CNBD1: variants seen among roughly 807,000 people sequenced by gnomAD.
CNBD1 encodes the protein cyclic nucleotide-binding domain-containing protein 1.
Under a neutral mutation model 54.4 loss-of-function variants are expected in CNBD1, and 71 were observed. That is an observed-to-expected ratio of 1.30 (90% CI 1.08 to 1.59). CNBD1 has a LOEUF of 1.59. Among genes scored for constraint, CNBD1 ranks in the 40% most tolerant of loss-of-function variants. The pLI, the probability that CNBD1 is intolerant of heterozygous loss-of-function variation, is 0.00. For synonymous variants in CNBD1, 182 were observed against 170.7 expected (o/e 1.07, Z -0.51); for missense variants, 659 against 518.0 (o/e 1.27, Z -2.64).
At chr8:87,345,129 A>C (rs1586032935) in intron 8 of CNBD1, among the ~76,000 whole-genome samples, 1 of 152,330 alleles carries the variant, frequency 6.6e-6, no homozygotes, top group Middle Eastern at 3.4e-3. Context: ...CAGCTAAAAT[A>C]GAATTTTGAT....
chr8:87,230,004 T>A (rs1269016994), intron 5 of CNBD1, among the ~76,000 whole-genome samples: 1 of 152,132 alleles, frequency 6.6e-6, no homozygotes, highest in Non-Finnish European at 1.5e-5. Context: ...ACAGTCTGTA[T>A]AGGAGCCATG....
At chr8:87,081,970 C>T (rs887924606) in intron 4 of CNBD1, among the ~76,000 whole-genome samples, 6 of 152,184 alleles carry the variant, frequency 3.9e-5, no homozygotes, top group South Asian at 4.2e-4. Flanking sequence ...GTTTTTGCTT[C>T]GTGCATTTTA....
intron 4 of CNBD1, among the ~76,000 whole-genome samples, chr8:87,006,555 G>A (rs1041993455): frequency 2.0e-5 from 3 of 152,026 alleles, no homozygotes; most frequent in Non-Finnish European, 4.4e-5. Context: ...AAGGTGAAGT[G>A]GGAGTAGGCA....
intron 4 of CNBD1, among the ~76,000 whole-genome samples, chr8:86,957,988 C>A (rs1807824136): frequency 6.6e-6 from 1 of 152,194 alleles, no homozygotes; most frequent in South Asian, 2.1e-4. Context: ...TTTCCCTCTA[C>A]ACACTGCTTT....
At chr8:87,415,899 T>A (rs1807826486) in intron 2 of CNBD1, among the ~76,000 whole-genome samples, 1 of 151,806 alleles carries the variant, frequency 6.6e-6, no homozygotes, top group Non-Finnish European at 1.5e-5. Context: ...TCAAAACAAA[T>A]TTCAACTATA....
intron 6 of CNBD1, among the ~76,000 whole-genome samples, chr8:87,271,221 T>C (rs545049913): frequency 6.6e-6 from 1 of 151,946 alleles, no homozygotes; most frequent in Non-Finnish European, 1.5e-5. Flanking sequence ...AAAACCACCA[T>C]TTCACTTTGT....
intron 4 of CNBD1, among the ~76,000 whole-genome samples, chr8:86,954,775 G>A (rs947140497): frequency 7.2e-5 from 11 of 152,180 alleles, no homozygotes; most frequent in African/African-American, 2.7e-4. Flanking sequence ...ATAGCTAGGA[G>A]CATGGCATAT....
At chr8:87,230,003 A>T (rs1016540206) in intron 5 of CNBD1, among the ~76,000 whole-genome samples, 4 of 152,146 alleles carry the variant, frequency 2.6e-5, no homozygotes, top group Non-Finnish European at 5.9e-5. Flanking sequence ...CACAGTCTGT[A>T]TAGGAGCCAT....
At chr8:87,071,423 A>G (rs901282162) in intron 4 of CNBD1, among the ~76,000 whole-genome samples, 1 of 152,152 alleles carries the variant, frequency 6.6e-6, no homozygotes, top group African/African-American at 2.4e-5. Flanking sequence ...TGTGTGAGAC[A>G]CTGAGAGGTT....
At chr8:87,002,078 A>G (rs1430467515) in intron 4 of CNBD1, among the ~76,000 whole-genome samples, 1 of 152,194 alleles carries the variant, frequency 6.6e-6, no homozygotes, top group African/African-American at 2.4e-5. Context: ...ACTTTAATGG[A>G]AATTCACATA....
chr8:87,422,997 G>A (rs926459221), intron 2 of CNBD1, among the ~76,000 whole-genome samples: 6 of 151,902 alleles, frequency 3.9e-5, no homozygotes, highest in African/African-American at 1.2e-4. Flanking sequence ...CACATCCCTT[G>A]TAAGTTGGAT....
intron 8 of CNBD1, among the ~76,000 whole-genome samples, chr8:87,291,768 G>A (rs1443304193): frequency 6.6e-5 from 10 of 152,060 alleles, no homozygotes; most frequent in Admixed American, 5.2e-4. Flanking sequence ...AAAGGCACAT[G>A]CCACCATGCC....
rs2130764554 is a variant in CNBD1, at chr8:87,166,794, C to G, written c.432-39199C>G. Among the ~76,000 whole-genome samples the G allele has an allele frequency of 6.6e-6, 1 of 151,986 alleles. No homozygotes were observed. The highest frequency in any genetic ancestry group is 1.5e-5 in the Non-Finnish European group (1 of 67,894). Reference sequence around the variant, plus strand: ...TACCCTTGCATTTCTCTGAGAGATGCCTGCTATGAACACCCTATGTCAGGC... The same window carrying G: ...TACCCTTGCATTTCTCTGAGAGATGGCTGCTATGAACACCCTATGTCAGGC... On this transcript the variant is annotated intron_variant, in intron 4 of 10. Transcript: ENST00000518476. This position sits in a 1 kb window ranked among gnomAD's most constrained non-coding sequence, Gnocchi z 4.3.
intron 9 of CNBD1, among the ~76,000 whole-genome samples, chr8:87,353,336 G>T (rs1047041469): frequency 5.9e-5 from 9 of 152,186 alleles, no homozygotes; most frequent in African/African-American, 2.2e-4. Flanking sequence ...CTCACAAAAT[G>T]ATATCCTAGA....
intron 4 of CNBD1, among the ~76,000 whole-genome samples, chr8:87,162,497 G>T (rs931960847): frequency 6.6e-6 from 1 of 152,052 alleles, no homozygotes; most frequent in Non-Finnish European, 1.5e-5. Flanking sequence ...TGATAATTTT[G>T]TGGTAGTTGT....
At chr8:87,226,336 G>A (rs969960672) in intron 5 of CNBD1, among the ~76,000 whole-genome samples, 20 of 150,300 alleles carry the variant, frequency 1.3e-4, no homozygotes, top group Non-Finnish European at 2.8e-4. Context: ...TGATGTTAGG[G>A]TGTCAATTTT....
chr8:87,372,063 C>T lies in CNBD1; in HGVS notation c.1304-10557C>T, dbSNP rs374656520. Among the ~76,000 whole-genome samples, 24 of 151,968 alleles carry T rather than the reference C, an allele frequency of 1.6e-4. No homozygotes were observed. The South Asian group carries it at 2.1e-3, about 13-fold the overall frequency. ...AAGTCAAATTGTCCCTGTTTGCAGACGACATGATTGTATATCCAGAAAACC... is the reference window on the plus strand; with the variant it reads ...AAGTCAAATTGTCCCTGTTTGCAGATGACATGATTGTATATCCAGAAAACC... On this transcript the variant is annotated intron_variant, in intron 10 of 10. Coordinates refer to ENST00000518476, the MANE Select transcript of CNBD1 (RefSeq NM_173538.3).
intron 4 of CNBD1, among the ~76,000 whole-genome samples, chr8:86,978,623 A>G (rs1325754280): frequency 7.3e-6 from 1 of 137,292 alleles, no homozygotes; most frequent in African/African-American, 2.8e-5. Flanking sequence ...GCTCACTGCA[A>G]CCTCCGCATC....
At chr8:87,224,561 G>A (rs1427457044) in intron 5 of CNBD1, among the ~76,000 whole-genome samples, 3 of 151,156 alleles carry the variant, frequency 2.0e-5, no homozygotes, top group East Asian at 1.9e-4. Flanking sequence ...GTAGATGTGC[G>A]GTGTTATTTC....
Sources: allele counts gnomAD v4.1 joint callset (sites outside exome capture counted in the v4.1 genomes callset), GRCh38; gene constraint gnomAD v4.1.1; non-coding constraint Gnocchi (gnomAD v3.1); transcripts MANE v1.5; gene names NCBI Gene and HGNC (gene_info 2026-07-23, HGNC 2026-07-21).